The following TNKS2 variants were observed in gnomAD, a reference collection of about 807,000 sequenced individuals.
The protein encoded by TNKS2 is tankyrase 2, also known as poly [ADP-ribose] polymerase tankyrase-2.
TNKS2 carries 72 observed loss-of-function variants against 137.6 expected under a neutral mutation model. The ratio of observed to expected loss-of-function variants is 0.52; its 90% CI spans 0.43 to 0.64. The LOEUF is 0.64. Ranked by LOEUF, TNKS2 falls within the 30% of genes least tolerant of loss-of-function variation. The probability of loss-of-function intolerance (pLI) is 0.00; values close to 1 mark genes in which losing one functional copy is unlikely to be tolerated. For missense variants in TNKS2, 1,049 were observed against 1,410.2 expected (o/e 0.74, Z 4.10); for synonymous variants, 516 against 512.1 (o/e 1.01, Z -0.10).
intron 1 of TNKS2, among the ~76,000 whole-genome samples, chr10:91,803,447 G>A (rs1490043032): frequency 6.6e-6 from 1 of 152,132 alleles, no homozygotes; most frequent in East Asian, 1.9e-4. Flanking sequence ...TTCAAGAGCA[G>A]CCTGGGCAAC....
intron 3 of TNKS2, 124 bp downstream of exon 3, chr10:91,817,353 A>T (rs1454469847): frequency 3.7e-6 from 2 of 540,786 alleles, no homozygotes; most frequent in Non-Finnish European, 3.3e-6. Flanking sequence ...TTCAGTAGCT[A>T]TCCTTTTCTA....
At chr10:91,831,602 C>T (rs553188151) in intron 11 of TNKS2, among the ~76,000 whole-genome samples, 6 of 152,158 alleles carry the variant, frequency 3.9e-5, no homozygotes, top group East Asian at 3.9e-4. Context: ...AGGACTTGAA[C>T]GGAAGGAAAT....
Position 91,836,993 on chromosome 10 carries a change from G to C in TNKS2, c.1522G>C (p.Val508Leu). ...EAAKAGDVET[V>L]KKLCTVQSVN... ...TGCAAAGGCTGGAGATGTCGAAACT[G>C]TAAAAGTAAGATACAGTGTTACGTT... Residue 508 changes from valine (V) to leucine (L), a missense_variant, in exon 13 of 27, where the codon GTA (valine) becomes CTA (leucine). Coordinates refer to ENST00000371627, the MANE Select transcript of TNKS2 (RefSeq NM_025235.4). The C allele has an allele frequency of 6.2e-7, 1 of 1,612,706 alleles. No homozygotes were observed. Among genetic ancestry groups the C allele is most frequent in the Non-Finnish European group, 8.5e-7 (1 of 1,179,370 alleles).
At chr10:91,850,118 C>T (rs2133669334) in intron 20 of TNKS2, among the ~76,000 whole-genome samples, 1 of 152,254 alleles carries the variant, frequency 6.6e-6, no homozygotes, top group East Asian at 1.9e-4. Flanking sequence ...GTAATCCCAG[C>T]ACTTTGGGAG....
chr10:91,855,129 A>G lies in TNKS2; in HGVS notation c.2913+3A>G. ...AGTTTCAGTCTGTGGAGGAAGAGGT[A>G]TGTTCATATAACTTCAATAGTAGGT... is the stretch of plus-strand genomic sequence containing the variant. On this transcript the variant is annotated splice_donor_region_variant and intron_variant, in intron 22 of 26. Coordinates refer to ENST00000371627, the MANE Select transcript of TNKS2 (RefSeq NM_025235.4). 1.3e-6 allele frequency: 2 copies of G among 1,566,272 alleles called. No homozygotes were observed. The highest frequency in any genetic ancestry group is 2.2e-5 in the East Asian group (1 of 44,542).
chr10:91,860,524 C>T (rs577806843), intron 25 of TNKS2, among the ~76,000 whole-genome samples: 1 of 152,130 alleles, frequency 6.6e-6, no homozygotes. Context: ...GAAAAAAACC[C>T]CTAGAGCAGT....
rs1589680255 is a variant in TNKS2 at position 91,841,157 on chromosome 10, G to C, written c.1674-126G>C. The C allele has an allele frequency of 5.1e-5, 43 of 845,476 alleles. No individual in the cohort carries two copies. In the East Asian group the frequency reaches 1.4e-3, roughly 27 times the overall value. 52.4% of individuals were successfully genotyped at this position (845,476 alleles called of 1,614,324 possible). On this transcript the variant is annotated intron_variant, in intron 14 of 26. Coordinates refer to ENST00000371627, the MANE Select transcript of TNKS2 (RefSeq NM_025235.4). ...TTATTTCTGCCTTAAATAGATTTAGGTTCTACAAAGTATAATCAGTATAAT... is the reference window on the plus strand; with the variant it reads ...TTATTTCTGCCTTAAATAGATTTAGCTTCTACAAAGTATAATCAGTATAAT...
At chr10:91,848,292 G>C in intron 18 of TNKS2, 91 bp from the exon 19 acceptor site, 2 of 1,381,384 alleles carry the variant, frequency 1.4e-6, no homozygotes, top group South Asian at 3.2e-5. Flanking sequence ...CAAATTGCTG[G>C]GTTTTCTCAT....
At chr10:91,829,526 C>T (rs1024947327) in intron 9 of TNKS2, among the ~76,000 whole-genome samples, 2 of 152,088 alleles carry the variant, frequency 1.3e-5, no homozygotes, top group African/African-American at 4.8e-5. Flanking sequence ...GGCCCTGCTC[C>T]AAGATGGTGC....
chr10:91,860,775 G>A (rs1001697161), intron 25 of TNKS2, among the ~76,000 whole-genome samples: 1 of 152,066 alleles, frequency 6.6e-6, no homozygotes, highest in African/African-American at 2.4e-5. Context: ...CTAAATTTAG[G>A]CCTGCATAGG....
At chr10:91,806,042 CTTTT>C (rs34004456) in intron 1 of TNKS2, among the ~76,000 whole-genome samples, 2,681 of 130,084 alleles carry the variant, frequency 0.021, 66 homozygotes, top group African/African-American at 0.064. Context: ...CATTCTTTCT[CTTTT>C]TTTTTTTTTT....
At chr10:91,825,190 C>G (rs908969433) in intron 7 of TNKS2, among the ~76,000 whole-genome samples, 1 of 152,096 alleles carries the variant, frequency 6.6e-6, no homozygotes, top group African/African-American at 2.4e-5. Context: ...CAGCCGCAAC[C>G]TTCCCGGGCT....
chr10:91,805,300 C>T lies in TNKS2; in HGVS notation c.199+6411C>T, dbSNP rs191261908. Among the ~76,000 whole-genome samples, 433 of 152,238 alleles carry T rather than the reference C, an allele frequency of 2.8e-3. 1 individual carries two copies. Among genetic ancestry groups the T allele is most frequent in the Admixed American group, 4.5e-3 (69 of 15,298 alleles). On this transcript the variant is annotated intron_variant, in intron 1 of 26. Transcript: ENST00000371627. ...AAATCATACCTCTACTATCAGTCAC[C>T]AGACTGGTTTCAGACATCTTAATGA...
Position 91,817,209 on chromosome 10 carries a change from C to T in TNKS2, c.500C>T (p.Ser167Phe). 1 of 1,613,204 alleles carries T rather than the reference C, an allele frequency of 6.2e-7. No homozygotes were observed. The highest frequency in any genetic ancestry group is 8.5e-7 in the Non-Finnish European group (1 of 1,179,536). The change falls in exon 3 of 27, where the codon TCT becomes TTT. Residue 167 changes from serine (S) to phenylalanine (F), a missense_variant. By Grantham distance (155) the Ser-to-Phe change is radical. Transcript: ENST00000371627. The part of the protein sequence containing the change: ...GRTALDLADP[S>F]AKAVLTGEYK... Reference sequence around the variant, plus strand: ...ACAGCATTGGATTTAGCAGATCCATCTGCCAAAGCAGTGCTTACTGGTAAG... The same window carrying T: ...ACAGCATTGGATTTAGCAGATCCATTTGCCAAAGCAGTGCTTACTGGTAAG...
At chr10:91,834,725 A>T (rs1461174635) in intron 12 of TNKS2, among the ~76,000 whole-genome samples, 1 of 152,220 alleles carries the variant, frequency 6.6e-6, no homozygotes, top group Non-Finnish European at 1.5e-5. Context: ...ACCTCCTGGA[A>T]TCTACCAAAA....
chr10:91,850,219 A>G (rs546705841), intron 20 of TNKS2, among the ~76,000 whole-genome samples: 1 of 151,446 alleles, frequency 6.6e-6, no homozygotes, highest in South Asian at 2.1e-4. Context: ...ATACAAAGAA[A>G]TTAGCCAGGC....
At chr10:91,845,624 A>G in intron 17 of TNKS2, 128 bp from the exon 18 acceptor site, 1 of 675,776 alleles carries the variant, frequency 1.5e-6, no homozygotes, top group Non-Finnish European at 2.2e-6. Flanking sequence ...TTGGGGAGAA[A>G]GAGTTTTTCT....
intron 1 of TNKS2, chr10:91,807,546 C>G: frequency 2.0e-6 from 2 of 998,796 alleles, no homozygotes; most frequent in South Asian, 2.7e-5. Flanking sequence ...CAATGCCATT[C>G]TTTCTTAGCT....
At position 91,813,043 on chromosome 10, in the gene TNKS2, G is replaced by A. The variant is rs755266003; in HGVS notation, c.260G>A (p.Arg87His). 33 of 1,614,034 alleles carry A rather than the reference G, an allele frequency of 2.0e-5. No homozygotes were observed. The highest frequency in any genetic ancestry group is 2.5e-5 in the Non-Finnish European group (30 of 1,180,034). The change falls in exon 2 of 27, where the codon CGT becomes CAT. Residue 87 changes from arginine (R) to histidine (H), a missense_variant. Transcript: ENST00000371627. ...CAGAATGGTGCAAATGTCCAAGCAC[G>A]TGATGATGGGGGCCTTATTCCTCTT... Reference protein sequence around the residue: ...LLQNGANVQARDDGGLIPLHN... With the variant: ...LLQNGANVQAHDDGGLIPLHN...
Sources: allele counts gnomAD v4.1 joint callset (sites outside exome capture counted in the v4.1 genomes callset), GRCh38; gene constraint gnomAD v4.1.1; transcripts MANE v1.5; gene names NCBI Gene and HGNC (gene_info 2026-07-23, HGNC 2026-07-21).